The following NAALADL2 variants were observed in gnomAD, a reference collection of about 807,000 sequenced individuals.
NAALADL2 encodes the protein N-acetylated alpha-linked acidic dipeptidase like 2.
NAALADL2 carries 76 observed loss-of-function variants against 87.2 expected under a neutral mutation model. The ratio of observed to expected loss-of-function variants is 0.87; its 90% CI spans 0.72 to 1.05. The LOEUF (loss-of-function observed/expected upper bound fraction) is 1.05. Among genes scored for constraint, NAALADL2 ranks in the 50% least tolerant of loss-of-function variants. The probability of loss-of-function intolerance (pLI) is 0.00; values close to 1 mark genes in which losing one functional copy is unlikely to be tolerated. For missense variants in NAALADL2, 1,089 were observed against 945.8 expected (o/e 1.15, Z -1.99); for synonymous variants, 354 against 331.0 (o/e 1.07, Z -0.75).
At chr3:174,999,291 C>T (rs954225070) in intron 1 of NAALADL2, among the ~76,000 whole-genome samples, 1 of 151,888 alleles carries the variant, frequency 6.6e-6, no homozygotes, top group African/African-American at 2.4e-5. Flanking sequence ...TAAAAGCAGG[C>T]TAATGATAGC....
intron 2 of NAALADL2, among the ~76,000 whole-genome samples, chr3:175,225,534 A>T (rs1744028165): frequency 6.6e-6 from 1 of 152,112 alleles, no homozygotes; most frequent in African/African-American, 2.4e-5. Context: ...AAGAAAAGGG[A>T]ATCTTTGTTA....
intron 2 of NAALADL2, among the ~76,000 whole-genome samples, chr3:174,668,079 T>C (rs1578482287): frequency 2.0e-5 from 3 of 152,142 alleles, no homozygotes; most frequent in African/African-American, 7.2e-5. Context: ...TGAGGTGATA[T>C]CTTCTTATGG....
At chr3:175,249,290 T>A (rs1748577600) in intron 3 of NAALADL2, among the ~76,000 whole-genome samples, 1 of 152,154 alleles carries the variant, frequency 6.6e-6, no homozygotes, top group African/African-American at 2.4e-5. Context: ...TAATTAAAGA[T>A]TGAATCTTTC....
At chr3:175,145,587 A>G (rs766571076) in intron 2 of NAALADL2, among the ~76,000 whole-genome samples, 24 of 152,216 alleles carry the variant, frequency 1.6e-4, no homozygotes, top group Admixed American at 9.2e-4. Flanking sequence ...AAAGCTGTTT[A>G]GAAGTAGTGC....
chr3:174,692,689 T>C (rs1201337098), intron 2 of NAALADL2, among the ~76,000 whole-genome samples: 1 of 152,124 alleles, frequency 6.6e-6, no homozygotes. Flanking sequence ...AGCCCATTCA[T>C]GTTTCAGAAT....
chr3:174,666,162 T>C (rs1293157251), intron 2 of NAALADL2, among the ~76,000 whole-genome samples: 1 of 152,190 alleles, frequency 6.6e-6, no homozygotes, highest in African/African-American at 2.4e-5. Context: ...TATCTGGATA[T>C]ACTTACCATA....
intron 4 of NAALADL2, 21 bp from the exon 5 acceptor site, chr3:175,324,154 T>C: frequency 6.2e-7 from 1 of 1,608,918 alleles, no homozygotes; most frequent in Non-Finnish European, 8.5e-7. Context: ...ATATTTTTAA[T>C]AGCTTGCTTC....
intron 11 of NAALADL2, among the ~76,000 whole-genome samples, chr3:175,732,625 T>C (rs1373329330): frequency 6.6e-6 from 1 of 152,142 alleles, no homozygotes; most frequent in East Asian, 1.9e-4. Context: ...ATCCTCATCG[T>C]GTGCTTTGAG....
intron 5 of NAALADL2, among the ~76,000 whole-genome samples, chr3:175,373,148 AT>A (rs893474544): frequency 4.6e-5 from 7 of 152,158 alleles, no homozygotes; most frequent in African/African-American, 1.7e-4. Flanking sequence ...TTCCATATTA[AT>A]TTTTTGTGAA....
rs1413561090 is a variant in NAALADL2, at chr3:175,806,990, A to G, written c.*3787A>G. 6.6e-6 allele frequency: 1 copy of G among 151,826 alleles called. No homozygotes were observed. Among genetic ancestry groups the G allele is most frequent in the Admixed American group, 6.6e-5 (1 of 15,168 alleles). The allele number at this position is 151,826 out of a possible 1,614,324, so 9.4% of individuals were successfully genotyped here. A position where few individuals can be genotyped will look rare whatever the true frequency, so the allele number is the denominator to read the frequency against. On this transcript the variant is annotated 3_prime_UTR_variant, in exon 14 of 14. Coordinates refer to ENST00000454872, the MANE Select transcript of NAALADL2 (RefSeq NM_207015.3). ...AAAGGAGTTTGAAGAAACAAATGAC[A>G]TCATTCCTGATGATGGTAGCCCACT...
intron 1 of NAALADL2, among the ~76,000 whole-genome samples, chr3:174,989,447 A>G (rs577543903): frequency 6.6e-6 from 1 of 152,344 alleles, no homozygotes; most frequent in South Asian, 2.1e-4. Flanking sequence ...TTTTTCATAA[A>G]TTAGTAAAGA....
intron 3 of NAALADL2, among the ~76,000 whole-genome samples, chr3:174,798,664 T>G (rs1288943564): frequency 6.6e-6 from 1 of 152,162 alleles, no homozygotes; most frequent in Non-Finnish European, 1.5e-5. Context: ...TTATGTATTT[T>G]ATTTTTTGAT....
intron 9 of NAALADL2, among the ~76,000 whole-genome samples, chr3:175,564,638 T>C (rs1430167992): frequency 6.6e-6 from 1 of 152,198 alleles, no homozygotes. Context: ...TGGAACAGCA[T>C]TGTGAGGCCA....
rs78865191 is a variant in NAALADL2, at chr3:174,465,482, A to G, written c.-184+24450A>G. Among the ~76,000 whole-genome samples, 811 of 152,332 alleles carry G rather than the reference A, an allele frequency of 5.3e-3. 6 individuals carry two copies. The highest frequency in any genetic ancestry group is 0.041 in the East Asian group (210 of 5,182). ...TATTTAGTTCAAGCTAAGATACCAA[A>G]TTTGTTATATAAATCACTGAAAGTT... On this transcript the variant is annotated intron_variant, in intron 1 of 3. Transcript: ENST00000434257.
intron 1 of NAALADL2, among the ~76,000 whole-genome samples, chr3:174,896,993 C>A (rs1019093864): frequency 6.6e-6 from 1 of 152,098 alleles, no homozygotes; most frequent in African/African-American, 2.4e-5. Flanking sequence ...GAAACTGTGT[C>A]TCACCATATA....
In NAALADL2 at chr3:175,101,941, C is replaced by T. The variant is rs543433359; in HGVS notation, c.545+4650C>T. On this transcript the variant is annotated intron_variant, in intron 2 of 13. Transcript: ENST00000454872. ...AAATTATAAAGAATAAAGTAAAAAC[C>T]ATCCATAATCCTACCTCTTTTTAGA... Among the ~76,000 whole-genome samples the T allele has an allele frequency of 6.2e-3, 597 of 96,136 alleles. 10 individuals are homozygous for T. Among genetic ancestry groups the T allele is most frequent in the East Asian group, 0.056 (200 of 3,586 alleles). 63.1% of individuals were successfully genotyped at this position (96,136 alleles called of 152,430 possible).
intron 2 of NAALADL2, among the ~76,000 whole-genome samples, chr3:175,134,486 A>G (rs1164781667): frequency 6.6e-6 from 1 of 152,180 alleles, no homozygotes; most frequent in Non-Finnish European, 1.5e-5. Flanking sequence ...AAACAGCTGC[A>G]ATGTATTGAT....
intron 3 of NAALADL2, among the ~76,000 whole-genome samples, chr3:174,783,341 G>C (rs1431327851): frequency 6.6e-6 from 1 of 151,964 alleles, no homozygotes; most frequent in African/African-American, 2.4e-5. Context: ...TTGAATTTCT[G>C]TTACAAGCGT....
chr3:175,802,638 C>T (rs1449473638), intron 13 of NAALADL2, among the ~76,000 whole-genome samples: 3 of 127,372 alleles, frequency 2.4e-5, no homozygotes, highest in African/African-American at 1.2e-4. Flanking sequence ...GCTAATGACA[C>T]ATTGTGGTAT....
Sources: gnomAD v4.1 joint callset for allele counts (sites outside exome capture counted in the v4.1 genomes callset) on GRCh38, gnomAD v4.1.1 for gene constraint, MANE v1.5 for transcripts, NCBI Gene and HGNC (gene_info 2026-07-23, HGNC 2026-07-21) for gene names.